Variants in GAD2 observed in about 807,000 individuals in gnomAD.
GAD2 encodes 65 kDa glutamic acid decarboxylase.
GAD2 carries 22 observed loss-of-function variants against 80.1 expected under a neutral mutation model. The observed-to-expected ratio is 0.27, with a 90% CI of 0.20 to 0.39. The LOEUF (loss-of-function observed/expected upper bound fraction) is 0.39. GAD2 is among the 10% of genes least tolerant of loss of function. The probability of loss-of-function intolerance (pLI) is 1.00; values close to 1 mark genes in which losing one functional copy is unlikely to be tolerated. For missense variants in GAD2, 624 were observed against 738.4 expected (o/e 0.85, Z 1.80); for synonymous variants, 274 against 256.9 (o/e 1.07, Z -0.64).
At chr10:26,218,940 A>G (rs1424923816) in intron 3 of GAD2, 103 bp from the exon 4 acceptor site, 6 of 855,702 alleles carry the variant, frequency 7.0e-6, no homozygotes, top group Non-Finnish European at 1.0e-5. Flanking sequence ...TTTATCTAAC[A>G]TGAAATCTCT....
chr10:26,241,048 GA>G (rs924449421), intron 7 of GAD2, among the ~76,000 whole-genome samples: 39 of 141,778 alleles, frequency 2.8e-4, no homozygotes, highest in South Asian at 9.0e-4. Flanking sequence ...TCTCAAAAAA[GA>G]AAAAAAAAAG....
chr10:26,289,783 TC>T (rs975785587), intron 13 of GAD2, among the ~76,000 whole-genome samples: 31 of 141,010 alleles, frequency 2.2e-4, no homozygotes, highest in Non-Finnish European at 4.0e-4. Flanking sequence ...AAATTACATC[TC>T]CCCCCCACCT....
intron 7 of GAD2, among the ~76,000 whole-genome samples, chr10:26,230,290 C>T (rs1844584603): frequency 1.3e-5 from 2 of 152,188 alleles, no homozygotes; most frequent in Non-Finnish European, 2.9e-5. Flanking sequence ...GGCAGAGGGA[C>T]TGTGAGCTCA....
chr10:26,266,466 C>T (rs776763970), intron 8 of GAD2, among the ~76,000 whole-genome samples: 19 of 152,174 alleles, frequency 1.2e-4, no homozygotes, highest in Non-Finnish European at 2.5e-4. Context: ...TCTGGTCAGA[C>T]ATTAAGTTAA....
intron 7 of GAD2, among the ~76,000 whole-genome samples, chr10:26,235,034 G>A (rs1160362976): frequency 6.6e-5 from 10 of 152,074 alleles, no homozygotes; most frequent in Admixed American, 6.5e-4. Context: ...CACCACACCT[G>A]GCTAATTTTT....
At chr10:26,296,119 T>C (rs1257846845) in intron 15 of GAD2, among the ~76,000 whole-genome samples, 1 of 152,064 alleles carries the variant, frequency 6.6e-6, no homozygotes, top group African/African-American at 2.4e-5. Context: ...TCCTGGTTCG[T>C]CAATGGCCTT....
chr10:26,233,434 T>C (rs1019704490), intron 7 of GAD2, among the ~76,000 whole-genome samples: 4 of 152,170 alleles, frequency 2.6e-5, no homozygotes, highest in African/African-American at 9.7e-5. Context: ...TTTTCGGAGC[T>C]CATTTAAAGC....
intron 8 of GAD2, among the ~76,000 whole-genome samples, chr10:26,249,234 G>A (rs1027524395): frequency 3.9e-5 from 6 of 152,082 alleles, no homozygotes; most frequent in Admixed American, 1.3e-4. Context: ...GCTAGTTTTT[G>A]TATTTTTAGT....
chr10:26,243,153 T>C (rs1844764232), intron 7 of GAD2, among the ~76,000 whole-genome samples: 1 of 152,206 alleles, frequency 6.6e-6, no homozygotes, highest in African/African-American at 2.4e-5. Flanking sequence ...CACTTTGTCA[T>C]TCTTAGGTTG....
At chr10:26,298,929 AT>A (rs1310529742) in intron 15 of GAD2, among the ~76,000 whole-genome samples, 1 of 152,150 alleles carries the variant, frequency 6.6e-6, no homozygotes, top group Non-Finnish European at 1.5e-5. Context: ...CTTCTTATTT[AT>A]TCCCTGGGAT....
chr10:26,257,893 T>C (rs1172688025), intron 8 of GAD2, among the ~76,000 whole-genome samples: 1 of 152,204 alleles, frequency 6.6e-6, no homozygotes, highest in African/African-American at 2.4e-5. Flanking sequence ...TTCGGGTCCT[T>C]GGGAAGCTGT....
chr10:26,268,014 C>T (rs1845091754), intron 8 of GAD2, among the ~76,000 whole-genome samples: 1 of 152,208 alleles, frequency 6.6e-6, no homozygotes, highest in Non-Finnish European at 1.5e-5. Flanking sequence ...AAACCCCACT[C>T]ACTGCTCACT....
chr10:26,295,044 G>C (rs1311960979), intron 15 of GAD2, among the ~76,000 whole-genome samples: 1 of 151,232 alleles, frequency 6.6e-6, no homozygotes, highest in Non-Finnish European at 1.5e-5. Context: ...TTATCACTGG[G>C]CTGAGGGATG....
intron 7 of GAD2, among the ~76,000 whole-genome samples, chr10:26,236,047 T>C (rs1325753225): frequency 6.6e-6 from 1 of 152,218 alleles, no homozygotes; most frequent in Non-Finnish European, 1.5e-5. Context: ...GCCAATGTTC[T>C]GCTGAGGCCC....
At chr10:26,287,276 A>G (rs1845344914) in intron 13 of GAD2, among the ~76,000 whole-genome samples, 1 of 152,234 alleles carries the variant, frequency 6.6e-6, no homozygotes, top group East Asian at 1.9e-4. Context: ...CCAGCTGTAT[A>G]TACTATAGAA....
intron 8 of GAD2, among the ~76,000 whole-genome samples, chr10:26,264,842 G>T (rs531699191): frequency 6.6e-6 from 1 of 152,274 alleles, no homozygotes; most frequent in African/African-American, 2.4e-5. Context: ...TTGCACTCAC[G>T]TTTTTAGGAA....
chr10:26,300,692 G>A, intron 15 of GAD2, 96 bp from the exon 16 acceptor site: 1 of 1,094,550 alleles, frequency 9.1e-7, no homozygotes, highest in Non-Finnish European at 1.3e-6. Context: ...TCTGACTGTT[G>A]AGCTAAAAAC....
At chr10:26,218,043 G>A in intron 3 of GAD2, 52 bp downstream of exon 3, 5 of 1,517,658 alleles carry the variant, frequency 3.3e-6, no homozygotes, top group East Asian at 2.4e-5. Context: ...TCTCTGCCCC[G>A]CCCACCGCGG....
At chr10:26,216,622 T>C, upstream of GAD2, 1 of 460,150 alleles carries the variant, frequency 2.2e-6, no homozygotes, top group South Asian at 3.4e-5. This position sits in a 1 kb window ranked among gnomAD's most constrained non-coding sequence, Gnocchi z 4.7. Context: ...CCAGCTCGCA[T>C]ACACACACGC....
Sources: gnomAD v4.1 joint callset for allele counts (sites outside exome capture counted in the v4.1 genomes callset) on GRCh38, gnomAD v4.1.1 for gene constraint, Gnocchi (gnomAD v3.1) non-coding constraint, MANE v1.5 for transcripts, NCBI Gene and HGNC (gene_info 2026-07-23, HGNC 2026-07-21) for gene names.